The following PRAMEF2 variants were observed in gnomAD, a reference collection of about 807,000 sequenced individuals.
PRAMEF2 encodes PRAME family member 2.
A neutral mutation model predicts 38.0 loss-of-function variants in PRAMEF2; 35 were observed. That is an observed-to-expected ratio of 0.92 (90% confidence interval 0.70 to 1.22). The LOEUF (loss-of-function observed/expected upper bound fraction) is 1.22, where lower values mean the gene tolerates loss of function less well. PRAMEF2 is among the 50% of genes most tolerant of loss of function. The probability of loss-of-function intolerance (pLI) is 0.00; values close to 1 mark genes in which losing one functional copy is unlikely to be tolerated. For missense variants in PRAMEF2, 562 were observed against 553.9 expected, an observed-to-expected ratio of 1.01 and a Z score of -0.15; for synonymous variants, 240 against 232.4, an observed-to-expected ratio of 1.03 and a Z score of -0.30.
At position 12,861,656 on chromosome 1, in the gene PRAMEF2, G is replaced by T. The variant is rs757391605; in HGVS notation, c.1302G>T (p.Arg434=). The T allele has an allele frequency of 6.3e-7, 1 of 1,595,772 alleles. No individual in the cohort carries two copies. The change falls in exon 4 of 4, where the codon CGG becomes CGT. Residue 434 remains arginine, a synonymous_variant. Transcript: ENST00000240189. ...ATTGGGAGATCTTCACCCCACTTCG[G>T]GCTGAGCTGATGTGTACACTGAGGG... The part of the protein sequence containing the change: ...RVNWEIFTPL[R]AELMCTLREF...
rs561144178 is a variant in PRAMEF2, at chr1:12,861,604, A to C, written c.1250A>C (p.Glu417Ala). Reference sequence around the variant, plus strand: ...CTGGAGACGTATCCTGCCCCTGAGGAGAGTTTGAATTCCTTGGTTCGTGTC... The same window carrying C: ...CTGGAGACGTATCCTGCCCCTGAGGCGAGTTTGAATTCCTTGGTTCGTGTC... Reference protein sequence around the residue: ...LSLETYPAPEESLNSLVRVNW... With the variant: ...LSLETYPAPEASLNSLVRVNW... The change falls in exon 4 of 4, where the codon GAG becomes GCG. Residue 417 changes from glutamate (E) to alanine (A), a missense_variant. By Grantham distance (107) the Glu-to-Ala change is moderately radical. This residue lies in a region of PRAMEF2 where 76 missense variants were observed against 109.6 expected (regional missense o/e 0.69). Coordinates refer to ENST00000240189, the MANE Select transcript of PRAMEF2 (RefSeq NM_023014.1). The C allele has an allele frequency of 6.2e-7, 1 of 1,603,886 alleles. No individual in the cohort carries two copies. The highest frequency in any genetic ancestry group is 1.4e-5 in the African/African-American group (1 of 73,780).
At chr1:12,857,858 C>T (rs1293744980) in intron 1 of PRAMEF2, among the ~76,000 whole-genome samples, 1 of 147,170 alleles carries the variant, frequency 6.8e-6, no homozygotes, top group Non-Finnish European at 1.5e-5. Context: ...ACCACCATGC[C>T]CAGCTAATTT....
Position 12,860,044 on chromosome 1 carries a change from C to T in PRAMEF2, c.639C>T (p.His213=). ...ATAGTATTGGGGAGCTGGAAATTCA[C>T]AACACGTGCTGGCCACATCTGATAA... The part of the protein sequence containing the change: ...YINSIGELEI[H]NTCWPHLIRK... The change falls in exon 3 of 4, where the codon CAC becomes CAT. Residue 213 remains histidine (H), a synonymous_variant. Transcript: ENST00000240189. 2 of 1,606,810 alleles carry T rather than the reference C, an allele frequency of 1.2e-6. No individual in the cohort carries two copies. The highest frequency in any genetic ancestry group is 2.2e-5 in the South Asian group (2 of 90,494).
At position 12,861,407 on chromosome 1, in the gene PRAMEF2, C is replaced by G. The variant is rs376650368; in HGVS notation, c.1053C>G (p.Leu351=). ...TGCTAGAGAAAATTGCTGCCTCTCT[C>G]GAGACCCTCGTGTTAGAGGGCTGTC... ...GALLEKIAAS[L]ETLVLEGCQI... is the part of the protein sequence containing the mutation. The change falls in exon 4 of 4, where the codon CTC becomes CTG. Residue 351 remains leucine (L), a synonymous_variant. Coordinates refer to ENST00000240189, the MANE Select transcript of PRAMEF2 (RefSeq NM_023014.1). 6.2e-7 allele frequency: 1 copy of G among 1,602,962 alleles called. No homozygotes were observed. Among genetic ancestry groups the G allele is most frequent in the Middle Eastern group, 1.8e-4 (1 of 5,444 alleles).
rs17038709 is a variant in PRAMEF2, at chr1:12,860,212, C to G, written c.807C>G (p.Leu269=). 183,094 of 1,604,764 alleles carry G rather than the reference C, an allele frequency of 0.11. 15,506 individuals carry two copies. The highest frequency in any genetic ancestry group is 0.14 in the African/African-American group (10,170 of 74,132). ...FTSVFLRLEH[L]QLLKIKLITF... is the part of the protein sequence containing the mutation. ...CTGTGTTCCTCAGGCTGGAACACCT[C>G]CAGTTGCTTAAAATAAAATTGATCA... The change falls in exon 3 of 4, where the codon CTC becomes CTG. Residue 269 remains leucine, a synonymous_variant. Transcript: ENST00000240189.
intron 1 of PRAMEF2, among the ~76,000 whole-genome samples, chr1:12,858,455 G>T (rs145107448): frequency 1.3e-5 from 2 of 149,844 alleles, no homozygotes; most frequent in African/African-American, 4.9e-5. Flanking sequence ...TGCCTGCCTT[G>T]GTGTCCAGCA....
chr1:12,857,624 G>C (rs1377967019), intron 1 of PRAMEF2, among the ~76,000 whole-genome samples: 1 of 141,564 alleles, frequency 7.1e-6, no homozygotes, highest in Non-Finnish European at 1.5e-5. Flanking sequence ...GTGAGTATGT[G>C]GAAGTGATGT....
chr1:12,858,319 T>C (rs111870591), intron 1 of PRAMEF2, among the ~76,000 whole-genome samples: 7,008 of 149,852 alleles, frequency 0.047, 107 homozygotes, highest in East Asian at 0.22. Context: ...TGCAGTGGTG[T>C]GATGTCGGCT....
Position 12,861,736 on chromosome 1 carries a change from G to A in PRAMEF2, c.1382G>A (p.Gly461Asp), listed in dbSNP as rs772985331. Residue 461 changes from glycine (G) to aspartate (D), a missense_variant, in exon 4 of 4, where the codon GGC (glycine) becomes GAC (aspartate). Coordinates refer to ENST00000240189, the MANE Select transcript of PRAMEF2 (RefSeq NM_023014.1). The part of the protein sequence containing the change: ...FIGPTPCPSC[G>D]SSPSEELELH... ...GGCCCCACCCCCTGCCCTTCCTGTG[G>A]CTCATCACCGTCTGAGGAACTGGAG... is the stretch of plus-strand genomic sequence containing the variant. 2.1e-5 allele frequency: 34 copies of A among 1,593,926 alleles called. 2 individuals carry two copies. Among genetic ancestry groups the A allele is most frequent in the Non-Finnish European group, 2.8e-5 (33 of 1,170,788 alleles).
chr1:12,861,271 T>C lies in PRAMEF2; in HGVS notation c.917T>C (p.Leu306Ser), dbSNP rs1305358876. 1 of 1,607,644 alleles carries C rather than the reference T, an allele frequency of 6.2e-7. No individual in the cohort carries two copies. Among genetic ancestry groups the C allele is most frequent in the Admixed American group, 1.7e-5 (1 of 58,216 alleles). ...TTGGAATTAACTTGTGGCAACCTATTAGAAGAGGACTTGAAGTGTCTCTCC... is the reference window on the plus strand; with the variant it reads ...TTGGAATTAACTTGTGGCAACCTATCAGAAGAGGACTTGAAGTGTCTCTCC... ...ENLELTCGNL[L>S]EEDLKCLSQF... is the part of the protein sequence containing the mutation. The change falls in exon 4 of 4, where the codon TTA becomes TCA. Residue 306 changes from leucine (L) to serine (S), a missense_variant. Transcript: ENST00000240189.
At chr1:12,857,789 C>G (rs553928918) in intron 1 of PRAMEF2, among the ~76,000 whole-genome samples, 1 of 143,016 alleles carries the variant, frequency 7.0e-6, no homozygotes, top group East Asian at 2.0e-4. Flanking sequence ...ATTTCTGCCT[C>G]CTAGTTACAT....
At position 12,860,011 on chromosome 1, in the gene PRAMEF2, A is replaced by T; in HGVS notation, c.606A>T (p.Ile202=). 6.2e-7 allele frequency: 1 copy of T among 1,607,160 alleles called. No individual in the cohort carries two copies. Among genetic ancestry groups the T allele is most frequent in the East Asian group, 2.2e-5 (1 of 44,700 alleles). ...ATCTCAGAAAGTCATTGAAAATAAT[A>T]TACATTAATAGTATTGGGGAGCTGG... is the stretch of plus-strand genomic sequence containing the variant. ...IKYLRKSLKI[I]YINSIGELEI... Residue 202 remains isoleucine (I), a synonymous_variant, in exon 3 of 4, where the codon ATA becomes ATT. Coordinates refer to ENST00000240189, the MANE Select transcript of PRAMEF2 (RefSeq NM_023014.1).
At chr1:12,858,843 T>C in intron 1 of PRAMEF2, 142 bp from the exon 2 acceptor site, 2 of 966,074 alleles carry the variant, frequency 2.1e-6, no homozygotes, top group Non-Finnish European at 3.0e-6. Context: ...AAGTATAGAT[T>C]TGAGGCCAAC....
rs1063796 is a variant in PRAMEF2, at chr1:12,861,477, T to C, written c.1123T>C (p.Cys375Arg). Reference protein sequence around the residue: ...QLSAILPGLSCCSQLTTFYFG... With the variant: ...QLSAILPGLSRCSQLTTFYFG... ...CAGTGCCATCCTGCCTGGCCTGAGC[T>C]GCTGCTCCCAGCTCACCACCTTCTA... The change falls in exon 4 of 4, where the codon TGC (cysteine) becomes CGC (arginine). Residue 375 changes from cysteine (C) to arginine (R), a missense_variant. Physicochemically the swap from Cys to Arg is radical, Grantham distance 180. This residue lies in a region of PRAMEF2 where 486 missense variants were observed against 444.2 expected (regional missense o/e 1.09). Coordinates refer to ENST00000240189, the MANE Select transcript of PRAMEF2 (RefSeq NM_023014.1). 0.25 allele frequency: 378,039 copies of C among 1,505,846 alleles called. 56,208 individuals carry two copies. Among genetic ancestry groups the C allele is most frequent in the African/African-American group, 0.4 (28,438 of 71,476 alleles). The allele number at this position is 1,505,846 out of a possible 1,614,324, so 93.3% of individuals were successfully genotyped here. A position where few individuals can be genotyped will look rare whatever the true frequency, so the allele number is the denominator to read the frequency against.
chr1:12,859,781 C>T lies in PRAMEF2; in HGVS notation c.376C>T (p.Pro126Ser), dbSNP rs1324082940. ...TGGAGCCTGGGCCCTGTCCTGCTTC[C>T]CAGAGGCCATGAGTAAGAGGCAGAC... ...WPGAWALSCF[P>S]EAMSKRQTAE... Residue 126 changes from proline to serine, a missense_variant, in exon 3 of 4, where the codon CCA becomes TCA. Physicochemically the swap from Pro to Ser is moderately conservative, Grantham distance 74. This residue lies in a region of PRAMEF2 where 486 missense variants were observed against 444.2 expected (regional missense o/e 1.09). Transcript: ENST00000240189. 1 of 1,606,728 alleles carries T rather than the reference C, an allele frequency of 6.2e-7. No individual in the cohort carries two copies. The highest frequency in any genetic ancestry group is 1.3e-5 in the African/African-American group (1 of 74,326).
intron 2 of PRAMEF2, 37 bp downstream of exon 2, chr1:12,859,333 G>A: frequency 6.2e-7 from 1 of 1,606,774 alleles, no homozygotes; most frequent in Non-Finnish European, 8.5e-7. Flanking sequence ...ATAGGGCTCA[G>A]GTGTCCAGGG....
intron 2 of PRAMEF2, 74 bp from the exon 3 acceptor site, chr1:12,859,619 T>C: frequency 1.3e-6 from 2 of 1,589,450 alleles, no homozygotes; most frequent in Non-Finnish European, 1.7e-6. Flanking sequence ...AGCTGATTTA[T>C]GGGATGAGAA....
rs368268023 is a variant in PRAMEF2, at chr1:12,861,203, A to G, written c.867-18A>G. The G allele has an allele frequency of 5.8e-5, 93 of 1,603,062 alleles. 8 individuals carry two copies. In the African/African-American group the frequency reaches 1.0e-3, roughly 18 times the overall value. Reference sequence around the variant, plus strand: ...TAACTGGTACCATTGCCCAGAACTAACTTCTTGATCTCCACAGGTGCCTCC... The same window carrying G: ...TAACTGGTACCATTGCCCAGAACTAGCTTCTTGATCTCCACAGGTGCCTCC... On this transcript the variant is annotated intron_variant, in intron 3 of 3. Coordinates refer to ENST00000240189, the MANE Select transcript of PRAMEF2 (RefSeq NM_023014.1).
At position 12,861,503 on chromosome 1, in the gene PRAMEF2, C is replaced by G; in HGVS notation, c.1149C>G (p.Tyr383Ter). The G allele has an allele frequency of 6.2e-7, 1 of 1,605,684 alleles. No homozygotes were observed. Among genetic ancestry groups the G allele is most frequent in the Non-Finnish European group, 8.5e-7 (1 of 1,176,984 alleles). ...GCTGCTCCCAGCTCACCACCTTCTA[C>G]TTTGGCAGCAATTGCATGTCTATTG... ...LSCCSQLTTF[Y>*]FGSNCMSIDA... Residue 383 changes from tyrosine to a stop codon, truncating the protein, a stop_gained, in exon 4 of 4, where the codon TAC becomes TAG. Transcript: ENST00000240189. LOFTEE classifies it high-confidence loss of function.
Sources: gnomAD v4.1 joint callset for allele counts (sites outside exome capture counted in the v4.1 genomes callset) on GRCh38, gnomAD v4.1.1 for gene constraint, gnomAD v4.1.1 regional missense constraint, MANE v1.5 for transcripts, NCBI Gene and HGNC (gene_info 2026-07-23, HGNC 2026-07-21) for gene names.